Variants in ENOX1 observed in about 807,000 individuals in gnomAD.
ENOX1 encodes the protein ecto-NOX disulfide-thiol exchanger 1, also known as candidate growth-related and time keeping constitutive hydroquinone (NADH) oxidase.
Under a neutral mutation model 82.5 loss-of-function variants are expected in ENOX1, and 42 were observed. The ratio of observed to expected loss-of-function variants is 0.51; its 90% CI spans 0.40 to 0.66. The LOEUF (loss-of-function observed/expected upper bound fraction) is 0.66. ENOX1 is among the 30% of genes least tolerant of loss of function. The pLI is 0.00. For missense variants in ENOX1, 608 were observed against 811.6 expected (o/e 0.75, Z 3.05); for synonymous variants, 271 against 282.2 (o/e 0.96, Z 0.40).
At chr13:43,352,717 G>T (rs1052513138) in intron 8 of ENOX1, among the ~76,000 whole-genome samples, 1 of 152,020 alleles carries the variant, frequency 6.6e-6, no homozygotes, top group African/African-American at 2.4e-5. Context: ...ACAGGCACTG[G>T]GTGACTCCAT....
rs1403383246 is a variant in ENOX1 at position 43,417,220 on chromosome 13, ACGGGAGACGGGAGACGGGAGAC to A, written c.-74-4254_-74-4233del. Reference sequence around the variant, plus strand: ...GGAGACGGGAGACGGGAGACGGGAGACGGGAGACGGGAGACGGGAGACGGGAGAGGGAGAGGGAGAGGGAGAG... The same window carrying A: ...GGAGACGGGAGACGGGAGACGGGAGAGGGAGAGGGAGAGGGAGAGGGAGAG... On this transcript the variant is annotated intron_variant, in intron 3 of 16. Transcript: ENST00000690772. Among the ~76,000 whole-genome samples, 222 of 99,538 alleles carry A rather than the reference ACGGGAGACGGGAGACGGGAGAC, an allele frequency of 2.2e-3. 3 individuals carry two copies. Among genetic ancestry groups the A allele is most frequent in the East Asian group, 5.6e-3 (22 of 3,898 alleles). 65.3% of individuals were successfully genotyped at this position (99,538 alleles called of 152,430 possible). A position where few individuals can be genotyped will look rare whatever the true frequency, so the allele number is the denominator to read the frequency against.
chr13:43,442,486 GCA>G (rs2056415290), intron 3 of ENOX1, among the ~76,000 whole-genome samples: 1 of 152,168 alleles, frequency 6.6e-6, no homozygotes, highest in East Asian at 1.9e-4. Context: ...CATTCTGAAT[GCA>G]CAGAGACACT....
At chr13:43,249,280 C>T (rs1425750774) in intron 14 of ENOX1, among the ~76,000 whole-genome samples, 1 of 152,116 alleles carries the variant, frequency 6.6e-6, no homozygotes, top group Non-Finnish European at 1.5e-5. Context: ...AAAAAATACA[C>T]TTGATCTCAA....
intron 2 of ENOX1, among the ~76,000 whole-genome samples, chr13:43,613,935 A>G (rs1002109940): frequency 6.7e-6 from 1 of 149,010 alleles, no homozygotes; most frequent in African/African-American, 2.5e-5. Flanking sequence ...CTCTCTCAAA[A>G]AAAAAATAAA....
intron 3 of ENOX1, among the ~76,000 whole-genome samples, chr13:43,445,717 G>A (rs1594652252): frequency 6.6e-6 from 1 of 152,116 alleles, no homozygotes; most frequent in Non-Finnish European, 1.5e-5. Context: ...CCATTACCAA[G>A]GGCACATGGA....
At chr13:43,245,881 A>G (rs1459483301) in intron 14 of ENOX1, among the ~76,000 whole-genome samples, 2 of 152,206 alleles carry the variant, frequency 1.3e-5, no homozygotes, top group Admixed American at 6.5e-5. Context: ...AAGCACATAC[A>G]TTATGTCTTT....
At chr13:43,700,132 T>A (rs1343131331) in intron 1 of ENOX1, among the ~76,000 whole-genome samples, 1 of 152,164 alleles carries the variant, frequency 6.6e-6, no homozygotes, top group Non-Finnish European at 1.5e-5. Flanking sequence ...AAATGAAAAC[T>A]CACTTGTACA....
intron 3 of ENOX1, among the ~76,000 whole-genome samples, chr13:43,473,522 T>C (rs1026013491): frequency 1.3e-5 from 2 of 152,220 alleles, no homozygotes; most frequent in Non-Finnish European, 2.9e-5. Context: ...ATTCAAGTGT[T>C]GTCCACATTT....
intron 8 of ENOX1, among the ~76,000 whole-genome samples, chr13:43,348,780 A>G (rs2049564601): frequency 6.6e-6 from 1 of 152,204 alleles, no homozygotes; most frequent in African/African-American, 2.4e-5. Flanking sequence ...CCCAAAATGC[A>G]AGAGTAGTGA....
chr13:43,573,664 T>A (rs1400661859), intron 2 of ENOX1, among the ~76,000 whole-genome samples: 1 of 152,164 alleles, frequency 6.6e-6, no homozygotes, highest in Non-Finnish European at 1.5e-5. Context: ...CAGACATCCA[T>A]GGAGGGCTAC....
At chr13:43,451,666 T>C (rs2056973565) in intron 3 of ENOX1, among the ~76,000 whole-genome samples, 1 of 152,224 alleles carries the variant, frequency 6.6e-6, no homozygotes, top group South Asian at 2.1e-4. Flanking sequence ...TGGTAAGATA[T>C]ATACAATAAA....
chr13:43,574,026 T>G (rs1050566163), intron 2 of ENOX1, among the ~76,000 whole-genome samples: 2 of 152,178 alleles, frequency 1.3e-5, no homozygotes, highest in Non-Finnish European at 2.9e-5. Context: ...CTGTACAAAA[T>G]GCCTTTAAGC....
chr13:43,465,034 G>A (rs991362872), intron 3 of ENOX1, among the ~76,000 whole-genome samples: 2 of 152,122 alleles, frequency 1.3e-5, no homozygotes, highest in African/African-American at 4.8e-5. Flanking sequence ...ATCACATCAG[G>A]GGGCAGGCAA....
At chr13:43,266,144 C>T (rs1228408321) in intron 13 of ENOX1, among the ~76,000 whole-genome samples, 3 of 152,150 alleles carry the variant, frequency 2.0e-5, no homozygotes, top group African/African-American at 7.2e-5. Flanking sequence ...TTTATCCTAT[C>T]CTGACGCAAA....
intron 2 of ENOX1, among the ~76,000 whole-genome samples, chr13:43,489,820 T>G (rs1040438561): frequency 1.3e-5 from 2 of 152,212 alleles, no homozygotes; most frequent in African/African-American, 2.4e-5. Flanking sequence ...CTTTCAAGTC[T>G]TAAGATTTAA....
intron 2 of ENOX1, among the ~76,000 whole-genome samples, chr13:43,516,251 A>C (rs1198974395): frequency 6.6e-6 from 1 of 152,188 alleles, no homozygotes; most frequent in African/African-American, 2.4e-5. Flanking sequence ...TGAAAGGTAA[A>C]GCCACTGCCA....
chr13:43,499,835 A>G (rs1431862816), intron 2 of ENOX1, among the ~76,000 whole-genome samples: 1 of 152,142 alleles, frequency 6.6e-6, no homozygotes, highest in African/African-American at 2.4e-5. Flanking sequence ...GAGCTACAAG[A>G]GAACAAATCA....
chr13:43,664,125 A>C (rs143219048), intron 2 of ENOX1, among the ~76,000 whole-genome samples: 1 of 152,302 alleles, frequency 6.6e-6, no homozygotes, highest in African/African-American at 2.4e-5. Flanking sequence ...TTACATTCTA[A>C]TGTCAGAGAT....
chr13:43,527,046 T>C (rs2078018064), intron 2 of ENOX1, among the ~76,000 whole-genome samples: 2 of 152,046 alleles, frequency 1.3e-5, no homozygotes, highest in African/African-American at 4.8e-5. Context: ...CAGAGCCTTG[T>C]TCTTGAAATT....
Sources: gnomAD v4.1 joint callset for allele counts (sites outside exome capture counted in the v4.1 genomes callset) on GRCh38, gnomAD v4.1.1 for gene constraint, MANE v1.5 for transcripts, NCBI Gene and HGNC (gene_info 2026-07-23, HGNC 2026-07-21) for gene names.